Variants in NTN4 observed in about 807,000 individuals in gnomAD.
The protein encoded by NTN4 is netrin-4.
In NTN4, 32 loss-of-function variants were observed where a neutral mutation model predicts 73.6. The ratio of observed to expected loss-of-function variants is 0.44; its 90% CI spans 0.33 to 0.58. NTN4 has a LOEUF of 0.58. Among genes scored for constraint, NTN4 ranks in the 20% least tolerant of loss-of-function variants. The pLI is 0.04. For synonymous variants in NTN4, 258 were observed against 287.5 expected (o/e 0.90, Z 1.04); for missense variants, 654 against 798.3 (o/e 0.82, Z 2.18).
At chr12:95,737,166 C>G (rs1555218884) in intron 3 of NTN4, among the ~76,000 whole-genome samples, 1 of 152,182 alleles carries the variant, frequency 6.6e-6, no homozygotes, top group Non-Finnish European at 1.5e-5. Context: ...GACAGATAAA[C>G]AATGACACTA....
chr12:95,696,562 T>C (rs889618126), intron 5 of NTN4, among the ~76,000 whole-genome samples: 1 of 152,206 alleles, frequency 6.6e-6, no homozygotes, highest in Non-Finnish European at 1.5e-5. Context: ...TGACCCATTT[T>C]AGCAAATCAC....
At chr12:95,790,780 C>G (rs2079204111), upstream of NTN4, 1 of 151,848 alleles carries the variant, frequency 6.6e-6, no homozygotes, top group Non-Finnish European at 1.5e-5. The surrounding 1 kb of genome is among the most constrained non-coding windows in gnomAD (Gnocchi z 6.5). Context: ...CAGTTCCATG[C>G]GATGCATTTT....
intron 2 of NTN4, among the ~76,000 whole-genome samples, chr12:95,778,274 A>C (rs986788558): frequency 1.3e-5 from 2 of 152,160 alleles, no homozygotes; most frequent in African/African-American, 2.4e-5. Flanking sequence ...GAGCAAACAC[A>C]TTCAAAAGCT....
intron 2 of NTN4, among the ~76,000 whole-genome samples, chr12:95,769,863 T>A (rs1255723963): frequency 6.6e-6 from 1 of 151,152 alleles, no homozygotes; most frequent in Non-Finnish European, 1.5e-5. Context: ...TTCAAGCGAC[T>A]TTCCTGCCTC....
chr12:95,707,973 T>C (rs2078532903), intron 5 of NTN4, among the ~76,000 whole-genome samples: 1 of 152,162 alleles, frequency 6.6e-6, no homozygotes, highest in African/African-American at 2.4e-5. Context: ...GATACACACG[T>C]ATATATATCT....
intron 5 of NTN4, among the ~76,000 whole-genome samples, chr12:95,696,348 G>A (rs2078442113): frequency 6.6e-6 from 1 of 152,044 alleles, no homozygotes; most frequent in African/African-American, 2.4e-5. Context: ...CCACATGAGA[G>A]GCACTGAATA....
intron 2 of NTN4, among the ~76,000 whole-genome samples, chr12:95,749,601 C>T (rs764226349): frequency 6.6e-6 from 1 of 152,222 alleles, no homozygotes; most frequent in African/African-American, 2.4e-5. Context: ...GCGCCGGTCA[C>T]GGACTGGGAA....
chr12:95,748,210 G>A (rs192997779), intron 2 of NTN4, among the ~76,000 whole-genome samples: 35 of 114,888 alleles, frequency 3.0e-4, no homozygotes, highest in Middle Eastern at 0.011. Flanking sequence ...CGGCCTGGGC[G>A]ACAGAGCAAG....
chr12:95,764,163 G>A (rs913918645), intron 2 of NTN4, among the ~76,000 whole-genome samples: 3 of 152,238 alleles, frequency 2.0e-5, no homozygotes, highest in Non-Finnish European at 2.9e-5. Context: ...GGGTTGTGGA[G>A]AGCCACAGCT....
At chr12:95,773,171 T>C (rs139424288) in intron 2 of NTN4, among the ~76,000 whole-genome samples, 3,468 of 152,130 alleles carry the variant, frequency 0.023, 115 homozygotes, top group East Asian at 0.1. Context: ...GCCCAGCTAA[T>C]TTTTGTATTT....
At chr12:95,701,418 A>AT (rs773983986) in intron 5 of NTN4, among the ~76,000 whole-genome samples, 1 of 151,866 alleles carries the variant, frequency 6.6e-6, no homozygotes, top group Non-Finnish European at 1.5e-5. Flanking sequence ...CCTTTCAAAA[A>AT]TTTTTTTTTC....
intron 2 of NTN4, among the ~76,000 whole-genome samples, chr12:95,780,170 A>C (rs904591510): frequency 3.3e-5 from 5 of 152,104 alleles, no homozygotes; most frequent in African/African-American, 1.2e-4. Context: ...TAAAGACTTA[A>C]ATGTTAGACC....
intron 9 of NTN4, among the ~76,000 whole-genome samples, chr12:95,660,164 C>A (rs2078125833): frequency 6.6e-6 from 1 of 152,128 alleles, no homozygotes; most frequent in Admixed American, 6.6e-5. Flanking sequence ...CAGGCATGCA[C>A]CACCATGCCT....
intron 7 of NTN4, among the ~76,000 whole-genome samples, chr12:95,677,317 T>C (rs971256285): frequency 1.3e-5 from 2 of 152,128 alleles, no homozygotes; most frequent in Admixed American, 6.5e-5. Flanking sequence ...ATGACAGATA[T>C]TGAATCAGTA....
At chr12:95,694,191 A>G (rs565858895) in intron 5 of NTN4, among the ~76,000 whole-genome samples, 1 of 152,354 alleles carries the variant, frequency 6.6e-6, no homozygotes, top group South Asian at 2.1e-4. Flanking sequence ...TTGTTATAAA[A>G]GCTACACTGG....
At chr12:95,755,420 A>G (rs560993586) in intron 2 of NTN4, among the ~76,000 whole-genome samples, 3 of 152,364 alleles carry the variant, frequency 2.0e-5, no homozygotes, top group Non-Finnish European at 4.4e-5. Flanking sequence ...AGAAGATAGC[A>G]TAATTGACAT....
rs547967779 is a variant in NTN4 at position 95,700,438 on chromosome 12, T to A, written c.1180+10003A>T. Among the ~76,000 whole-genome samples the A allele has an allele frequency of 3.3e-5, 5 of 152,310 alleles. No individual in the cohort carries two copies. The South Asian group carries it at 1.0e-3, about 32-fold the overall frequency. ...TTGGAGATTCTGATTCAGTGTATTC[T>A]GGGCAGGACTCTAAGATTGCACATT... On this transcript the variant is annotated intron_variant, in intron 5 of 9. Coordinates refer to ENST00000343702, the MANE Select transcript of NTN4 (RefSeq NM_021229.4).
At chr12:95,726,839 A>G (rs2078698362) in intron 3 of NTN4, among the ~76,000 whole-genome samples, 1 of 152,064 alleles carries the variant, frequency 6.6e-6, no homozygotes, top group Non-Finnish European at 1.5e-5. Flanking sequence ...GCATGGTGGT[A>G]GATGCCTATA....
chr12:95,780,105 A>G (rs2079121597), intron 2 of NTN4, among the ~76,000 whole-genome samples: 1 of 152,186 alleles, frequency 6.6e-6, no homozygotes, highest in Non-Finnish European at 1.5e-5. Flanking sequence ...ATATGTAGAA[A>G]GCTGAAACTG....
Sources: gnomAD v4.1 joint callset for allele counts (sites outside exome capture counted in the v4.1 genomes callset) on GRCh38, gnomAD v4.1.1 for gene constraint, Gnocchi (gnomAD v3.1) non-coding constraint, MANE v1.5 for transcripts, NCBI Gene and HGNC (gene_info 2026-07-23, HGNC 2026-07-21) for gene names.